The following STXBP5L variants were observed in gnomAD, a reference collection of about 807,000 sequenced individuals.
STXBP5L encodes the protein syntaxin-binding protein 5-like.
Under a neutral mutation model 144.5 loss-of-function variants are expected in STXBP5L, and 65 were observed. That is an observed-to-expected ratio of 0.45 (90% CI 0.37 to 0.55). The LOEUF (loss-of-function observed/expected upper bound fraction) is 0.55, where lower values mean the gene tolerates loss of function less well. STXBP5L is among the 20% of genes least tolerant of loss of function. STXBP5L has a pLI of 0.00. For synonymous variants in STXBP5L, 505 were observed against 469.6 expected (o/e 1.08, Z -0.97); for missense variants, 1,298 against 1,405.5 (o/e 0.92, Z 1.22).
At chr3:121,120,225 G>T (rs1387328892) in intron 6 of STXBP5L, among the ~76,000 whole-genome samples, 1 of 151,156 alleles carries the variant, frequency 6.6e-6, no homozygotes, top group Non-Finnish European at 1.5e-5. Context: ...GAGAGGCTAT[G>T]GTTTGTTGGC....
intron 3 of STXBP5L, among the ~76,000 whole-genome samples, chr3:120,974,056 G>C (rs373800746): frequency 0.12 from 18,551 of 151,762 alleles, 1,174 homozygotes; most frequent in Non-Finnish European, 0.14. Flanking sequence ...GGTATATACC[G>C]AGTAATGGGA....
rs115385580 is a variant in STXBP5L at position 120,980,510 on chromosome 3, A to T, written c.287+25473A>T. ...ATTTAAAATCTATTTTATCTGGTGT[A>T]AGTATAGCTATTCCTGCTCATTTTT... On this transcript the variant is annotated intron_variant, in intron 3 of 26. Coordinates refer to ENST00000471454, the MANE Select transcript of STXBP5L (RefSeq NM_001308330.2). Among the ~76,000 whole-genome samples the T allele has an allele frequency of 4.8e-3, 726 of 151,426 alleles. 7 individuals are homozygous for T. Among genetic ancestry groups the T allele is most frequent in the African/African-American group, 0.017 (683 of 41,224 alleles).
intron 5 of STXBP5L, among the ~76,000 whole-genome samples, chr3:121,103,304 AGTGGATTGGAGGAAGAAAAT>A (rs2043524369): frequency 6.6e-6 from 1 of 152,156 alleles, no homozygotes; most frequent in East Asian, 1.9e-4. Context: ...GCCCCTTGAC[AGTGGATTGGAGGAAGAAAAT>A]TGGTGCATAT....
intron 14 of STXBP5L, among the ~76,000 whole-genome samples, chr3:121,247,537 G>T (rs966499047): frequency 1.3e-5 from 2 of 152,034 alleles, no homozygotes; most frequent in African/African-American, 4.8e-5. Flanking sequence ...TGTACTTAAT[G>T]TTTAGCTCCC....
At chr3:121,364,097 A>T (rs2045795822) in intron 20 of STXBP5L, among the ~76,000 whole-genome samples, 1 of 152,146 alleles carries the variant, frequency 6.6e-6, no homozygotes, top group Non-Finnish European at 1.5e-5. Context: ...ATCATATTTT[A>T]GAAATTGTTA....
rs1310846877 is a variant in STXBP5L, at chr3:121,045,419, C to T, written c.370-16C>T. ...TAAGTAAATCACACACTTACTTTAT[C>T]TTCTTTTTGTTCTAGGGTGCCTTGG... On this transcript the variant is annotated splice_polypyrimidine_tract_variant and intron_variant, in intron 4 of 26. Coordinates refer to ENST00000471454, the MANE Select transcript of STXBP5L (RefSeq NM_001308330.2). The T allele has an allele frequency of 1.9e-6, 3 of 1,590,910 alleles. No individual in the cohort carries two copies. Among genetic ancestry groups the T allele is most frequent in the Non-Finnish European group, 2.6e-6 (3 of 1,171,496 alleles).
intron 2 of STXBP5L, among the ~76,000 whole-genome samples, chr3:120,945,178 G>T (rs1221782777): frequency 6.6e-6 from 1 of 151,704 alleles, no homozygotes; most frequent in East Asian, 1.9e-4. Context: ...GATCTGGAAT[G>T]ATATGCCCCA....
chr3:121,112,286 C>T (rs978344159), intron 5 of STXBP5L, among the ~76,000 whole-genome samples: 5 of 152,064 alleles, frequency 3.3e-5, no homozygotes, highest in African/African-American at 4.8e-5. Context: ...CACATAGGCT[C>T]ACAAAGGGGA....
At chr3:121,383,910 A>G (rs2046371358) in intron 22 of STXBP5L, among the ~76,000 whole-genome samples, 2 of 152,130 alleles carry the variant, frequency 1.3e-5, no homozygotes, top group Admixed American at 6.6e-5. Context: ...ACCATTAAAG[A>G]AGGTTTGGAT....
chr3:121,093,688 C>A (rs866114114), intron 5 of STXBP5L, among the ~76,000 whole-genome samples: 48 of 151,786 alleles, frequency 3.2e-4, no homozygotes, highest in Non-Finnish European at 5.0e-4. Context: ...TCTTGCTAGC[C>A]GTCTATCAAT....
intron 20 of STXBP5L, among the ~76,000 whole-genome samples, chr3:121,331,323 A>T (rs905293168): frequency 3.3e-5 from 5 of 152,210 alleles, no homozygotes; most frequent in Non-Finnish European, 5.9e-5. Flanking sequence ...CTTGCTCGCC[A>T]CTGCAGACAC....
intron 2 of STXBP5L, among the ~76,000 whole-genome samples, chr3:120,914,526 C>G (rs1423718903): frequency 6.6e-6 from 1 of 151,890 alleles, no homozygotes; most frequent in Non-Finnish European, 1.5e-5. Context: ...TTTCCAGGAC[C>G]CTAGCAAGAT....
At chr3:121,093,946 T>A (rs1303335490) in intron 5 of STXBP5L, among the ~76,000 whole-genome samples, 2 of 152,212 alleles carry the variant, frequency 1.3e-5, no homozygotes, top group Non-Finnish European at 2.9e-5. Flanking sequence ...GCTTTAAATG[T>A]GTCCCGGAGA....
At chr3:121,268,364 A>G (rs1311834292) in intron 18 of STXBP5L, among the ~76,000 whole-genome samples, 1 of 152,086 alleles carries the variant, frequency 6.6e-6, no homozygotes, top group African/African-American at 2.4e-5. Flanking sequence ...ATGAGAACAC[A>G]TGGACACAGG....
chr3:121,364,854 T>C (rs1278283015), intron 20 of STXBP5L, among the ~76,000 whole-genome samples: 2 of 151,934 alleles, frequency 1.3e-5, no homozygotes, highest in Non-Finnish European at 2.9e-5. Flanking sequence ...ATCTTTGTTT[T>C]TATATATGGC....
At chr3:121,246,253 T>G (rs2049849336) in intron 14 of STXBP5L, among the ~76,000 whole-genome samples, 1 of 152,236 alleles carries the variant, frequency 6.6e-6, no homozygotes, top group African/African-American at 2.4e-5. Flanking sequence ...TATGAGAATC[T>G]AACTAATGCC....
intron 20 of STXBP5L, among the ~76,000 whole-genome samples, chr3:121,353,117 C>A (rs150477480): frequency 0.036 from 5,411 of 152,228 alleles, 146 homozygotes; most frequent in Middle Eastern, 0.082. Context: ...CATCCATGTT[C>A]GTCAGGGATA....
intron 5 of STXBP5L, among the ~76,000 whole-genome samples, chr3:121,106,554 G>A (rs868394230): frequency 1.3e-5 from 2 of 152,054 alleles, no homozygotes; most frequent in Non-Finnish European, 2.9e-5. Flanking sequence ...CTCCATCCTT[G>A]TCCCTGCAAA....
At chr3:121,295,567 C>T (rs527616426) in intron 19 of STXBP5L, among the ~76,000 whole-genome samples, 4 of 152,102 alleles carry the variant, frequency 2.6e-5, no homozygotes, top group East Asian at 1.9e-4. Context: ...ATACAAAATA[C>T]GGGAGATATT....
Sources: gnomAD v4.1 joint callset for allele counts (sites outside exome capture counted in the v4.1 genomes callset) on GRCh38, gnomAD v4.1.1 for gene constraint, MANE v1.5 for transcripts, NCBI Gene and HGNC (gene_info 2026-07-23, HGNC 2026-07-21) for gene names.